TMEM108: variants seen among roughly 807,000 people sequenced by gnomAD.
TMEM108 encodes the protein cancer/testis antigen 124.
Under a neutral mutation model 35.1 loss-of-function variants are expected in TMEM108, and 12 were observed. The ratio of observed to expected loss-of-function variants is 0.34; its 90% CI spans 0.22 to 0.55. TMEM108 has a LOEUF of 0.55. Among genes scored for constraint, TMEM108 ranks in the 20% least tolerant of loss-of-function variants. TMEM108 has a pLI of 0.89. For missense variants in TMEM108, 680 were observed against 753.3 expected (o/e 0.90, Z 1.14); for synonymous variants, 287 against 308.6 (o/e 0.93, Z 0.73).
intron 2 of TMEM108, among the ~76,000 whole-genome samples, chr3:133,212,274 C>G (rs554991821): frequency 6.6e-6 from 1 of 152,168 alleles, no homozygotes; most frequent in African/African-American, 2.4e-5. Flanking sequence ...GAAATTCCAT[C>G]TAAATATCCG....
At chr3:133,111,186 C>T (rs944721568) in intron 2 of TMEM108, among the ~76,000 whole-genome samples, 8 of 152,116 alleles carry the variant, frequency 5.3e-5, no homozygotes, top group African/African-American at 1.9e-4. Flanking sequence ...AGATTTAGGG[C>T]AGAATTTATG....
At chr3:133,190,817 T>A (rs1365820261) in intron 2 of TMEM108, among the ~76,000 whole-genome samples, 1 of 152,154 alleles carries the variant, frequency 6.6e-6, no homozygotes, top group Non-Finnish European at 1.5e-5. Flanking sequence ...GACAATATAT[T>A]TGTGTTTTTC....
intron 3 of TMEM108, among the ~76,000 whole-genome samples, chr3:133,311,957 A>T (rs1489757706): frequency 6.6e-6 from 1 of 152,178 alleles, no homozygotes; most frequent in Non-Finnish European, 1.5e-5. Context: ...TTTTCCTTCT[A>T]ACAGTCAGGT....
intron 2 of TMEM108, among the ~76,000 whole-genome samples, chr3:133,207,678 GA>G (rs1945778099): frequency 6.6e-6 from 1 of 152,130 alleles, no homozygotes; most frequent in African/African-American, 2.4e-5. Context: ...ACAGAGACAA[GA>G]AATTCATTGC....
intron 2 of TMEM108, among the ~76,000 whole-genome samples, chr3:133,066,289 T>C (rs1418298287): frequency 2.0e-5 from 3 of 152,160 alleles, no homozygotes; most frequent in Admixed American, 6.6e-5. Flanking sequence ...AGTGATCTCT[T>C]CAGTCTGTTT....
At chr3:133,360,149 C>G (rs543390009) in intron 3 of TMEM108, among the ~76,000 whole-genome samples, 1 of 151,756 alleles carries the variant, frequency 6.6e-6, no homozygotes, top group Non-Finnish European at 1.5e-5. Context: ...ACAAAAGAAA[C>G]CTACAGTGAT....
chr3:133,301,046 T>C (rs16840198), intron 3 of TMEM108, among the ~76,000 whole-genome samples: 50,394 of 144,056 alleles, frequency 0.35, 9,287 homozygotes, highest in East Asian at 0.49. Flanking sequence ...AAGTTCTACT[T>C]TGTTTTGAGA....
chr3:133,200,201 C>T (rs1189989170), intron 2 of TMEM108, among the ~76,000 whole-genome samples: 1 of 152,192 alleles, frequency 6.6e-6, no homozygotes, highest in Non-Finnish European at 1.5e-5. Context: ...AATTCCCTTA[C>T]CCCTTGTGCT....
intron 3 of TMEM108, among the ~76,000 whole-genome samples, chr3:133,320,346 A>C (rs1208160135): frequency 6.6e-6 from 1 of 152,052 alleles, no homozygotes; most frequent in Non-Finnish European, 1.5e-5. Flanking sequence ...AAACAATCAC[A>C]ACTTCTGGAA....
At position 133,372,398 on chromosome 3, in the gene TMEM108, G is replaced by C. The variant is rs571940192; in HGVS notation, c.41-7354G>C. Among the ~76,000 whole-genome samples the C allele has an allele frequency of 2.6e-5, 4 of 152,248 alleles. No individual in the cohort carries two copies. In the East Asian group the frequency reaches 7.7e-4, roughly 29 times the overall value. On this transcript the variant is annotated intron_variant, in intron 3 of 5. Coordinates refer to ENST00000321871, the MANE Select transcript of TMEM108 (RefSeq NM_023943.4). ...GATGGGGGACTTGAGCTGAAAATTT[G>C]TCATTCTTCCCTGTTTCTTACCCCT...
intron 2 of TMEM108, among the ~76,000 whole-genome samples, chr3:133,131,311 A>G (rs749903831): frequency 1.3e-5 from 2 of 151,822 alleles, no homozygotes; most frequent in Non-Finnish European, 2.9e-5. Context: ...TTATTTTATT[A>G]TGCTTCACTT....
At chr3:133,236,575 T>C (rs1356777060) in intron 3 of TMEM108, among the ~76,000 whole-genome samples, 1 of 152,044 alleles carries the variant, frequency 6.6e-6, no homozygotes, top group Admixed American at 6.6e-5. Flanking sequence ...GAAACCTATT[T>C]TCTGATGGGA....
chr3:133,316,251 C>T (rs1293057071), intron 3 of TMEM108, among the ~76,000 whole-genome samples: 3 of 152,136 alleles, frequency 2.0e-5, no homozygotes, highest in African/African-American at 7.2e-5. Flanking sequence ...TGAGTGATTC[C>T]CTTTAAGTGG....
intron 2 of TMEM108, among the ~76,000 whole-genome samples, chr3:133,168,375 C>G (rs545311529): frequency 3.3e-5 from 5 of 152,248 alleles, no homozygotes; most frequent in Admixed American, 1.3e-4. Flanking sequence ...GCTACATCTT[C>G]ACATGGCGGA....
chr3:133,178,194 C>G (rs1415280126), intron 2 of TMEM108, among the ~76,000 whole-genome samples: 1 of 152,198 alleles, frequency 6.6e-6, no homozygotes. Flanking sequence ...ACATTCCATA[C>G]TCATGGATAG....
Position 133,060,257 on chromosome 3 carries a change from C to A in TMEM108, c.-47+14237C>A, listed in dbSNP as rs181516007. Among the ~76,000 whole-genome samples, 465 of 152,234 alleles carry A rather than the reference C, an allele frequency of 3.1e-3. 2 individuals are homozygous for A. Among genetic ancestry groups the A allele is most frequent in the Non-Finnish European group, 3.1e-3 (211 of 68,016 alleles). On this transcript the variant is annotated intron_variant, in intron 2 of 5. Coordinates refer to ENST00000321871, the MANE Select transcript of TMEM108 (RefSeq NM_023943.4). ...CCATGTTGGGGAGCTGCCTTGTGGT[C>A]TGAGAAGGCTGTTATGAGGACGTAA...
chr3:133,133,825 G>A (rs757282344), intron 2 of TMEM108, among the ~76,000 whole-genome samples: 33 of 151,584 alleles, frequency 2.2e-4, no homozygotes, highest in African/African-American at 7.5e-4. Flanking sequence ...GTGCAGTGGC[G>A]CGATCTCGGC....
intron 2 of TMEM108, among the ~76,000 whole-genome samples, chr3:133,159,019 A>G (rs187290140): frequency 1.9e-4 from 29 of 152,252 alleles, no homozygotes; most frequent in African/African-American, 5.8e-4. Flanking sequence ...TCTGTTGGTG[A>G]ATGTGATGAA....
chr3:133,126,530 C>A (rs1021310327), intron 2 of TMEM108, among the ~76,000 whole-genome samples: 29 of 148,770 alleles, frequency 1.9e-4, no homozygotes, highest in Admixed American at 6.7e-4. Flanking sequence ...AGAGTCTAGA[C>A]TAGCATTGTC....
Sources: gnomAD v4.1 joint callset for allele counts (sites outside exome capture counted in the v4.1 genomes callset) on GRCh38, gnomAD v4.1.1 for gene constraint, MANE v1.5 for transcripts, NCBI Gene and HGNC (gene_info 2026-07-23, HGNC 2026-07-21) for gene names.